The following ZNF787 variants were observed in gnomAD, a reference collection of about 807,000 sequenced individuals.
The protein encoded by ZNF787 is TTF-I-interacting peptide 20.
A neutral mutation model predicts 16.9 loss-of-function variants in ZNF787; 7 were observed. The ratio of observed to expected loss-of-function variants is 0.42; its 90% CI spans 0.24 to 0.78. The LOEUF (loss-of-function observed/expected upper bound fraction) is 0.78, where lower values mean the gene tolerates loss of function less well. Among genes scored for constraint, ZNF787 ranks in the 30% least tolerant of loss-of-function variants. The probability of loss-of-function intolerance (pLI) is 0.30; values close to 1 mark genes in which losing one functional copy is unlikely to be tolerated. For missense variants in ZNF787, 551 were observed against 589.3 expected, an observed-to-expected ratio of 0.94 and a Z score of 0.67; for synonymous variants, 345 against 270.9, an observed-to-expected ratio of 1.27 and a Z score of -2.69.
At position 56,087,947 on chromosome 19, in the gene ZNF787, G is replaced by A; in HGVS notation, c.*76C>T. The A allele has an allele frequency of 7.7e-7, 1 of 1,293,452 alleles. No homozygotes were observed. Among genetic ancestry groups the A allele is most frequent in the East Asian group, 3.5e-5 (1 of 28,632 alleles). The allele number at this position is 1,293,452 out of a possible 1,614,324, so 80.1% of individuals were successfully genotyped here. On this transcript the variant is annotated 3_prime_UTR_variant, in exon 3 of 3. Transcript: ENST00000610935. ...ATCGCACCCCGTCCGCTTCTCCCTGGGTCTCTTGGTCTTGCACGTCGTCGC... is the reference window on the plus strand; with the variant it reads ...ATCGCACCCCGTCCGCTTCTCCCTGAGTCTCTTGGTCTTGCACGTCGTCGC...
At chr19:56,105,228 C>T (rs915523988) in intron 1 of ZNF787, among the ~76,000 whole-genome samples, 7 of 152,146 alleles carry the variant, frequency 4.6e-5, no homozygotes, top group Non-Finnish European at 8.8e-5. Flanking sequence ...GCAGGCGCGG[C>T]TGGAACCTGA....
intron 2 of ZNF787, chr19:56,101,864 G>A (rs1326885813): frequency 2.6e-5 from 4 of 152,240 alleles, no homozygotes; most frequent in Admixed American, 6.5e-5. Context: ...GGATGTATGC[G>A]AGGGAGAAGG....
At chr19:56,112,855 T>G (rs1240531718) in intron 1 of ZNF787, among the ~76,000 whole-genome samples, 1 of 151,742 alleles carries the variant, frequency 6.6e-6, no homozygotes, top group Non-Finnish European at 1.5e-5. Context: ...GGGGAGGAGC[T>G]CTGGGGTGCC....
chr19:56,088,408 G>C lies in ZNF787; in HGVS notation c.764C>G (p.Ala255Gly). 8.9e-7 allele frequency: 1 copy of C among 1,119,386 alleles called. No homozygotes were observed. The highest frequency in any genetic ancestry group is 1.1e-6 in the Non-Finnish European group (1 of 916,834). 69.3% of individuals were successfully genotyped at this position (1,119,386 alleles called of 1,614,324 possible). A position where few individuals can be genotyped will look rare whatever the true frequency, so the allele number is the denominator to read the frequency against. ...CCCCGCGCCCGCCATGGCTGCCGCG[G>C]CCGCGGCCCCCTCGCCCGGCGCGCC... ...VVGAPGEGAA[A>G]AAAMAGAGAK... The change falls in exon 3 of 3, where the codon GCC becomes GGC. Residue 255 changes from alanine (A) to glycine (G), a missense_variant. This residue lies in a region of ZNF787 where 392 missense variants were observed against 312.7 expected (regional missense o/e 1.25). Transcript: ENST00000610935. The surrounding 1 kb of genome is among the most constrained non-coding windows in gnomAD (Gnocchi z 8.6).
In ZNF787 at chr19:56,087,865, C is replaced by A; in HGVS notation, c.*158G>T. On this transcript the variant is annotated 3_prime_UTR_variant, in exon 3 of 3. Transcript: ENST00000610935. ...CGGGCCCTAATACGCCCCAGTGCCC[C>A]CCCACGGACGGCGCAGGGACAGAGG... The A allele has an allele frequency of 1.7e-6, 2 of 1,179,792 alleles. No individual in the cohort carries two copies. Among genetic ancestry groups the A allele is most frequent in the Non-Finnish European group, 2.1e-6 (2 of 933,886 alleles). 73.1% of individuals were successfully genotyped at this position (1,179,792 alleles called of 1,614,324 possible). A position where few individuals can be genotyped will look rare whatever the true frequency, so the allele number is the denominator to read the frequency against.
Position 56,087,995 on chromosome 19 carries a change from T to TTG in ZNF787, c.*27_*28insCA. The TTG allele has an allele frequency of 3.6e-6, 4 of 1,106,470 alleles. No homozygotes were observed. The highest frequency in any genetic ancestry group is 1.5e-4 in the Admixed American group (2 of 13,720). The allele number at this position is 1,106,470 out of a possible 1,614,324, so 68.5% of individuals were successfully genotyped here. On this transcript the variant is annotated 3_prime_UTR_variant, in exon 3 of 3. Transcript: ENST00000610935. ...CGCTCCCGCCAAGCCCGAGGGGCCC[T>TTG]GCCCGCCCCCCCCCCCGGGCCCCTC...
In ZNF787 at chr19:56,092,046, G is replaced by GCCGAAGCCGAAGCCGAAGCCTCAC. The variant is rs796322719; in HGVS notation, c.80-2955_80-2954insGTGAGGCTTCGGCTTCGGCTTCGG. On this transcript the variant is annotated intron_variant, in intron 2 of 2. Transcript: ENST00000610935. ...AGCCGAAGCCGAAGCCGAAGCCGAA[G>GCCGAAGCCGAAGCCGAAGCCTCAC]CCTCACCCTCACCCTCACCCTCACC... is the stretch of plus-strand genomic sequence containing the variant. 4.3e-3 allele frequency among the ~76,000 whole-genome samples: 569 copies of GCCGAAGCCGAAGCCGAAGCCTCAC among 133,750 alleles called. 4 individuals carry two copies. Among genetic ancestry groups the GCCGAAGCCGAAGCCGAAGCCTCAC allele is most frequent in the African/African-American group, 0.015 (512 of 33,176 alleles). The allele number at this position is 133,750 out of a possible 152,430, so 87.7% of individuals were successfully genotyped here.
chr19:56,095,393 A>C (rs1309495632), intron 2 of ZNF787, among the ~76,000 whole-genome samples: 1 of 152,134 alleles, frequency 6.6e-6, no homozygotes, highest in East Asian at 1.9e-4. Flanking sequence ...CCTGTCCCTT[A>C]TCTTTTTTAT....
At chr19:56,120,106 C>G (rs1018334207) in intron 1 of ZNF787, among the ~76,000 whole-genome samples, 26 of 152,210 alleles carry the variant, frequency 1.7e-4, no homozygotes, top group Admixed American at 1.6e-3. Context: ...CCTTGGATGG[C>G]GACTCTGTCG....
intron 1 of ZNF787, among the ~76,000 whole-genome samples, chr19:56,118,304 G>T (rs2030195174): frequency 6.6e-6 from 1 of 152,146 alleles, no homozygotes; most frequent in Admixed American, 6.5e-5. Flanking sequence ...GGGTTCCCCT[G>T]AACCAGCCAG....
intron 2 of ZNF787, among the ~76,000 whole-genome samples, chr19:56,090,859 C>T (rs1985546267): frequency 6.6e-6 from 1 of 152,218 alleles, no homozygotes; most frequent in Non-Finnish European, 1.5e-5. Context: ...GGCCTCCCTC[C>T]AGACGCACTG....
At position 56,114,628 on chromosome 19, in the gene ZNF787, C is replaced by A. The variant is rs114573649; in HGVS notation, c.-11+6544G>T. Among the ~76,000 whole-genome samples the A allele has an allele frequency of 5.3e-3, 812 of 152,290 alleles. 7 individuals carry two copies. Among genetic ancestry groups the A allele is most frequent in the African/African-American group, 0.018 (763 of 41,554 alleles). On this transcript the variant is annotated intron_variant, in intron 1 of 2. Transcript: ENST00000610935. ...GTCAGCTTCTCCCTGAGGCCCACAC[C>A]CCACCTTTCCCATGGCAGGGCTGAC...
intron 2 of ZNF787, among the ~76,000 whole-genome samples, chr19:56,094,453 C>A (rs758430846): frequency 2.0e-5 from 3 of 151,040 alleles, no homozygotes; most frequent in Non-Finnish European, 4.4e-5. Flanking sequence ...GGATTACAAG[C>A]ATGAGCCACC....
At chr19:56,091,941 C>CGAAACCG (rs1355442364) in intron 2 of ZNF787, among the ~76,000 whole-genome samples, 8 of 122,340 alleles carry the variant, frequency 6.5e-5, no homozygotes, top group Non-Finnish European at 1.3e-4. Context: ...AAGCCGAAGC[C>CGAAACCG]AAAGCCAAAG....
At position 56,115,908 on chromosome 19, in the gene ZNF787, G is replaced by A. The variant is rs147232905; in HGVS notation, c.-11+5264C>T. On this transcript the variant is annotated intron_variant, in intron 1 of 2. Coordinates refer to ENST00000610935, the MANE Select transcript of ZNF787 (RefSeq NM_001002836.4). ...GGTCTTAGGGCAGCCGAGTAACTGA[G>A]AATTGTTTAAAAGACAAAACAGTCT... 1.4e-4 allele frequency among the ~76,000 whole-genome samples: 21 copies of A among 152,296 alleles called. No homozygotes were observed. The East Asian group carries it at 4.1e-3, about 29-fold the overall frequency.
In ZNF787 at chr19:56,088,351, G is replaced by A; in HGVS notation, c.821C>T (p.Ala274Val). ...AKAAGPRSRR[A>V]PAPKPYVCLE... ...ACACACGTACGGCTTGGGGGCCGGG[G>A]CGCGCCGCGACCGGGGCCCCGCGGC... The change falls in exon 3 of 3, where the codon GCC becomes GTC. Residue 274 changes from alanine to valine, a missense_variant. Around this residue, in one of 4 missense-constraint regions of ZNF787, gnomAD observed 392 missense variants for 312.7 expected, o/e 1.25. Transcript: ENST00000610935. This position sits in a 1 kb window ranked among gnomAD's most constrained non-coding sequence, Gnocchi z 8.6. 2 of 1,166,372 alleles carry A rather than the reference G, an allele frequency of 1.7e-6. No homozygotes were observed. The highest frequency in any genetic ancestry group is 2.1e-6 in the Non-Finnish European group (2 of 944,204). The allele number at this position is 1,166,372 out of a possible 1,614,324, so 72.3% of individuals were successfully genotyped here. A position where few individuals can be genotyped will look rare whatever the true frequency, so the allele number is the denominator to read the frequency against.
At chr19:56,119,937 C>T (rs758380698) in intron 1 of ZNF787, among the ~76,000 whole-genome samples, 2 of 152,048 alleles carry the variant, frequency 1.3e-5, no homozygotes, top group African/African-American at 4.8e-5. Context: ...CAGATGGGTT[C>T]TAAGCACTGC....
intron 1 of ZNF787, among the ~76,000 whole-genome samples, chr19:56,106,028 C>A (rs999745040): frequency 2.7e-5 from 4 of 146,566 alleles, no homozygotes; most frequent in African/African-American, 5.1e-5. Flanking sequence ...CGCATTCCCC[C>A]CTCCGCGCCC....
In ZNF787 at chr19:56,087,859, G is replaced by C. The variant is rs979804754; in HGVS notation, c.*164C>G. The C allele has an allele frequency of 8.7e-7, 1 of 1,151,708 alleles. No homozygotes were observed. Among genetic ancestry groups the C allele is most frequent in the Non-Finnish European group, 1.1e-6 (1 of 909,216 alleles). 71.3% of individuals were successfully genotyped at this position (1,151,708 alleles called of 1,614,324 possible). A position where few individuals can be genotyped will look rare whatever the true frequency, so the allele number is the denominator to read the frequency against. On this transcript the variant is annotated 3_prime_UTR_variant, in exon 3 of 3. Transcript: ENST00000610935. The stretch of plus-strand genomic sequence containing the variant: ...AGTGAACGGGCCCTAATACGCCCCA[G>C]TGCCCCCCCACGGACGGCGCAGGGA...
Sources: gnomAD v4.1 joint callset for allele counts (sites outside exome capture counted in the v4.1 genomes callset) on GRCh38, gnomAD v4.1.1 for gene constraint, gnomAD v4.1.1 regional missense constraint, Gnocchi (gnomAD v3.1) non-coding constraint, MANE v1.5 for transcripts, NCBI Gene and HGNC (gene_info 2026-07-23, HGNC 2026-07-21) for gene names.